Variants in WWOX observed in about 807,000 individuals in gnomAD.
WWOX encodes WW domain-containing oxidoreductase.
Under a neutral mutation model 46.2 loss-of-function variants are expected in WWOX, and 69 were observed. That is an observed-to-expected ratio of 1.49 (90% confidence interval 1.23 to 1.82). The LOEUF (loss-of-function observed/expected upper bound fraction) is 1.82, where lower values mean the gene tolerates loss of function less well. Among genes scored for constraint, WWOX ranks in the 40% most tolerant of loss-of-function variants. WWOX has a pLI of 0.00. For missense variants in WWOX, 919 were observed against 542.6 expected, an observed-to-expected ratio of 1.69 and a Z score of -6.89; for synonymous variants, 359 against 202.6, an observed-to-expected ratio of 1.77 and a Z score of -6.56.
At chr16:78,156,835 A>G (rs1323403074) in intron 4 of WWOX, among the ~76,000 whole-genome samples, 1 of 152,128 alleles carries the variant, frequency 6.6e-6, no homozygotes, top group African/African-American at 2.4e-5. Context: ...GAGACACGAG[A>G]ATCGCTTGAA....
intron 5 of WWOX, among the ~76,000 whole-genome samples, chr16:78,212,609 T>A (rs1050080752): frequency 1.3e-5 from 2 of 152,208 alleles, no homozygotes; most frequent in Non-Finnish European, 2.9e-5. Context: ...AACATTTTCT[T>A]GTTCTACAAA....
chr16:79,149,938 G>T (rs990209748), intron 8 of WWOX, among the ~76,000 whole-genome samples: 1 of 152,168 alleles, frequency 6.6e-6, no homozygotes, highest in East Asian at 1.9e-4. Flanking sequence ...ACTGAAAAAG[G>T]GACTCTCAGA....
intron 8 of WWOX, among the ~76,000 whole-genome samples, chr16:79,152,895 G>T (rs1188116599): frequency 6.6e-6 from 1 of 152,162 alleles, no homozygotes; most frequent in Non-Finnish European, 1.5e-5. Context: ...ACTGAGGGAA[G>T]AGCAGGGATA....
intron 8 of WWOX, among the ~76,000 whole-genome samples, chr16:78,963,071 G>T (rs2151314306): frequency 6.6e-6 from 1 of 152,206 alleles, no homozygotes; most frequent in Admixed American, 6.5e-5. Context: ...TAAGTACTCT[G>T]ATATGCACCA....
At chr16:78,249,972 C>A (rs114292621) in intron 5 of WWOX, among the ~76,000 whole-genome samples, 2,096 of 152,212 alleles carry the variant, frequency 0.014, 50 homozygotes, top group African/African-American at 0.048. Flanking sequence ...GAGGCCAGGT[C>A]CCCAGTGAGC....
chr16:78,520,200 G>T (rs192082662), intron 8 of WWOX, among the ~76,000 whole-genome samples: 1 of 152,208 alleles, frequency 6.6e-6, no homozygotes, highest in African/African-American at 2.4e-5. Context: ...AGGATTGCCA[G>T]GCTGGACTCT....
chr16:78,914,937 G>A (rs368488898), intron 8 of WWOX, among the ~76,000 whole-genome samples: 1 of 151,312 alleles, frequency 6.6e-6, no homozygotes, highest in Non-Finnish European at 1.5e-5. Context: ...AGCAGGCTGT[G>A]GTCTGGCCTG....
At chr16:78,164,044 G>GCTT in intron 4 of WWOX, 139 bp from the exon 5 acceptor site, 6 of 793,574 alleles carry the variant, frequency 7.6e-6, no homozygotes, top group Non-Finnish European at 1.3e-5. Context: ...CCAGACATTT[G>GCTT]CTTCTGTCCC....
rs536677806 is a variant in WWOX at position 79,034,721 on chromosome 16, C to A, written c.1057-176887C>A. ...ACTTAATTATTTAAAAACAAAAATA[C>A]TTCTCTGATCAGAGCATACCTGCCG... On this transcript the variant is annotated intron_variant, in intron 8 of 8. Coordinates refer to ENST00000566780, the MANE Select transcript of WWOX (RefSeq NM_016373.4). Among the ~76,000 whole-genome samples the A allele has an allele frequency of 2.0e-5, 3 of 151,744 alleles. No homozygotes were observed. In the South Asian group the frequency reaches 6.2e-4, roughly 31 times the overall value.
intron 8 of WWOX, among the ~76,000 whole-genome samples, chr16:78,775,670 G>A (rs879029652): frequency 6.6e-6 from 1 of 152,172 alleles, no homozygotes; most frequent in East Asian, 1.9e-4. Flanking sequence ...AGGAGCCTTA[G>A]TAATATGGTG....
intron 8 of WWOX, among the ~76,000 whole-genome samples, chr16:78,961,916 T>C (rs971755574): frequency 1.3e-5 from 2 of 152,156 alleles, no homozygotes; most frequent in African/African-American, 4.8e-5. Context: ...TGCCTTCAGA[T>C]TTACATCAAG....
At chr16:78,593,133 G>A (rs1271542556) in intron 8 of WWOX, among the ~76,000 whole-genome samples, 2 of 152,130 alleles carry the variant, frequency 1.3e-5, no homozygotes, top group Non-Finnish European at 2.9e-5. Flanking sequence ...GCCAAACCAG[G>A]TGTCATTGCC....
intron 8 of WWOX, among the ~76,000 whole-genome samples, chr16:78,485,238 A>G (rs1379942753): frequency 1.3e-5 from 2 of 152,300 alleles, no homozygotes; most frequent in Admixed American, 6.5e-5. Context: ...CCCTGTCCTC[A>G]CACATGCACA....
At chr16:78,117,470 C>T (rs1201930735) in intron 4 of WWOX, among the ~76,000 whole-genome samples, 1 of 152,068 alleles carries the variant, frequency 6.6e-6, no homozygotes, top group African/African-American at 2.4e-5. Context: ...ACTGCAAGTT[C>T]CAGGCAATCA....
In WWOX at chr16:78,482,011, C is replaced by T. The variant is rs371017074; in HGVS notation, c.1056+49259C>T. Among the ~76,000 whole-genome samples, 14 of 152,228 alleles carry T rather than the reference C, an allele frequency of 9.2e-5. No individual in the cohort carries two copies. The South Asian group carries it at 2.1e-3, about 23-fold the overall frequency. ...TTCTGATAGGTTTTGCTTTCATACACATTTCAAGGACTTAAGAAATCTGTT... is the reference window on the plus strand; with the variant it reads ...TTCTGATAGGTTTTGCTTTCATACATATTTCAAGGACTTAAGAAATCTGTT... On this transcript the variant is annotated intron_variant, in intron 8 of 8. Coordinates refer to ENST00000566780, the MANE Select transcript of WWOX (RefSeq NM_016373.4).
chr16:78,693,556 G>A (rs2048035328), intron 8 of WWOX, among the ~76,000 whole-genome samples: 1 of 152,164 alleles, frequency 6.6e-6, no homozygotes, highest in Non-Finnish European at 1.5e-5. Context: ...TAGTCATAGA[G>A]TAGTATTTCA....
intron 8 of WWOX, among the ~76,000 whole-genome samples, chr16:78,926,081 G>C (rs1359582769): frequency 6.6e-6 from 1 of 152,182 alleles, no homozygotes; most frequent in Non-Finnish European, 1.5e-5. Flanking sequence ...TCTTGGTAGA[G>C]GTTTACAGCC....
intron 8 of WWOX, among the ~76,000 whole-genome samples, chr16:78,925,150 T>C (rs28445237): frequency 0.039 from 5,917 of 152,184 alleles, 382 homozygotes; most frequent in African/African-American, 0.14. Flanking sequence ...AGCAATGATA[T>C]TGCCACTGCA....
chr16:78,495,879 T>C (rs546854486), intron 8 of WWOX: 3 of 152,224 alleles, frequency 2.0e-5, no homozygotes, highest in African/African-American at 7.2e-5. Flanking sequence ...GTGGATTACG[T>C]TTATAATTTT....
Sources: gnomAD v4.1 joint callset for allele counts (sites outside exome capture counted in the v4.1 genomes callset) on GRCh38, gnomAD v4.1.1 for gene constraint, MANE v1.5 for transcripts, NCBI Gene and HGNC (gene_info 2026-07-23, HGNC 2026-07-21) for gene names.